The following PRMT8 variants were observed in gnomAD, a reference collection of about 807,000 sequenced individuals.
PRMT8 encodes protein arginine N-methyltransferase 8.
Under a neutral mutation model 47.1 loss-of-function variants are expected in PRMT8, and 7 were observed. That is an observed-to-expected ratio of 0.15 (90% CI 0.08 to 0.28). The LOEUF (loss-of-function observed/expected upper bound fraction) is 0.28, where lower values mean the gene tolerates loss of function less well. Ranked by LOEUF, PRMT8 falls within the 10% of genes least tolerant of loss-of-function variation. The pLI, the probability that PRMT8 is intolerant of heterozygous loss-of-function variation, is 1.00. For synonymous variants in PRMT8, 188 were observed against 186.5 expected (o/e 1.01, Z -0.07); for missense variants, 237 against 505.4 (o/e 0.47, Z 5.09).
intron 1 of PRMT8, among the ~76,000 whole-genome samples, chr12:3,476,358 G>A (rs1029602797): frequency 2.0e-5 from 3 of 152,160 alleles, no homozygotes; most frequent in Non-Finnish European, 4.4e-5. Flanking sequence ...GGGAGCCTGC[G>A]TCTGCTGGTC....
chr12:3,532,890 A>G (rs1262806669), intron 1 of PRMT8, among the ~76,000 whole-genome samples: 2 of 152,092 alleles, frequency 1.3e-5, no homozygotes, highest in African/African-American at 4.8e-5. Context: ...TGGAGACCAC[A>G]CTTCAAGAAC....
chr12:3,397,227 C>T (rs1157917215), intron 1 of PRMT8, among the ~76,000 whole-genome samples: 3 of 152,084 alleles, frequency 2.0e-5, no homozygotes, highest in South Asian at 2.2e-4. Flanking sequence ...AGTCATTCTC[C>T]GTCCAGCTTT....
intron 1 of PRMT8, among the ~76,000 whole-genome samples, chr12:3,421,456 T>G (rs912768955): frequency 6.6e-6 from 1 of 152,168 alleles, no homozygotes; most frequent in Non-Finnish European, 1.5e-5. Flanking sequence ...TATATCTGTT[T>G]GCTTAGATCC....
At chr12:3,530,757 A>G (rs1866017604) in intron 1 of PRMT8, among the ~76,000 whole-genome samples, 1 of 152,210 alleles carries the variant, frequency 6.6e-6, no homozygotes, top group Non-Finnish European at 1.5e-5. Flanking sequence ...AGGCCCAGAG[A>G]GCATCTAAAG....
rs1034453721 is a variant in PRMT8 at position 3,436,685 on chromosome 12, G to C, written c.48+55243G>C. On this transcript the variant is annotated intron_variant, in intron 1 of 9. Coordinates refer to the PRMT8 transcript ENST00000452611. The surrounding 1 kb of genome is among the most constrained non-coding windows in gnomAD (Gnocchi z 4.2). ...ACGGGGCTGCTAATATGATTGTGCT[G>C]CCTGGAAATGCAAAAGCCATGAGTC... Among the ~76,000 whole-genome samples the C allele has an allele frequency of 1.3e-5, 2 of 152,166 alleles. No homozygotes were observed. Among genetic ancestry groups the C allele is most frequent in the Non-Finnish European group, 2.9e-5 (2 of 68,030 alleles).
chr12:3,584,589 G>T (rs1481695135), intron 8 of PRMT8, among the ~76,000 whole-genome samples: 1 of 152,114 alleles, frequency 6.6e-6, no homozygotes, highest in Non-Finnish European at 1.5e-5. Flanking sequence ...GGACAAAAGA[G>T]TATAAAAAGT....
At chr12:3,381,908 A>T (rs1385415029) in intron 1 of PRMT8, among the ~76,000 whole-genome samples, 1 of 152,166 alleles carries the variant, frequency 6.6e-6, no homozygotes, top group Non-Finnish European at 1.5e-5. Context: ...ATCTTTGGCA[A>T]CCACTAATTC....
intron 1 of PRMT8, among the ~76,000 whole-genome samples, chr12:3,472,235 G>T (rs1178192409): frequency 6.6e-6 from 1 of 152,222 alleles, no homozygotes; most frequent in Admixed American, 6.5e-5. Flanking sequence ...CTGTGAAATG[G>T]CTTCCCCAGG....
intron 2 of PRMT8, among the ~76,000 whole-genome samples, chr12:3,548,171 A>G (rs971254170): frequency 1.3e-5 from 2 of 152,164 alleles, no homozygotes; most frequent in Admixed American, 1.3e-4. Context: ...ATGAGCTCAC[A>G]CCCCTAACTT....
chr12:3,575,887 C>T (rs970154033), intron 6 of PRMT8, among the ~76,000 whole-genome samples: 3 of 152,104 alleles, frequency 2.0e-5, no homozygotes, highest in African/African-American at 4.8e-5. Context: ...GGCATGGTGG[C>T]GGGTGCCTGT....
chr12:3,402,757 A>G (rs1156250497), intron 1 of PRMT8, among the ~76,000 whole-genome samples: 1 of 152,202 alleles, frequency 6.6e-6, no homozygotes, highest in Non-Finnish European at 1.5e-5. Flanking sequence ...GCAAATCAAA[A>G]CCACAATGAG....
chr12:3,400,738 A>T (rs1864306775), intron 1 of PRMT8, among the ~76,000 whole-genome samples: 1 of 152,230 alleles, frequency 6.6e-6, no homozygotes, highest in African/African-American at 2.4e-5. Flanking sequence ...TCCTTGATGA[A>T]CATCAGTGCA....
At chr12:3,515,006 C>T (rs4766134) in intron 1 of PRMT8, among the ~76,000 whole-genome samples, 5,304 of 152,198 alleles carry the variant, frequency 0.035, 263 homozygotes, top group African/African-American at 0.11. Flanking sequence ...AGGCACTTTT[C>T]GAAGCTTTCT....
At chr12:3,567,570 T>C (rs1234685441) in intron 4 of PRMT8, among the ~76,000 whole-genome samples, 1 of 152,192 alleles carries the variant, frequency 6.6e-6, no homozygotes, top group East Asian at 1.9e-4. Flanking sequence ...ATATCAGATC[T>C]GGGCTCTGTT....
At position 3,570,861 on chromosome 12, in the gene PRMT8, A is replaced by T. The variant is rs79349204; in HGVS notation, c.712+1297A>T. On this transcript the variant is annotated intron_variant, in intron 6 of 9. Transcript: ENST00000382622. The surrounding 1 kb of genome is among the most constrained non-coding windows in gnomAD (Gnocchi z 5.5). ...CAGCCAATCTGGTGTGATTTCCACT[A>T]TTTGACCTCCTGGGGGAAGGAGGCA... Among the ~76,000 whole-genome samples the T allele has an allele frequency of 0.01, 1,580 of 152,248 alleles. 60 individuals carry two copies. The East Asian group carries it at 0.13, about 12-fold the overall frequency.
intron 1 of PRMT8, among the ~76,000 whole-genome samples, chr12:3,396,705 C>T (rs1864252797): frequency 6.6e-6 from 1 of 151,560 alleles, no homozygotes. Flanking sequence ...AGTTGCTCTT[C>T]TCGAGGAGTA....
chr12:3,411,078 G>A (rs1271718022), intron 1 of PRMT8, among the ~76,000 whole-genome samples: 2 of 152,186 alleles, frequency 1.3e-5, no homozygotes, highest in African/African-American at 2.4e-5. Flanking sequence ...AGTCTTTGGA[G>A]GGCTGGTTTA....
intron 1 of PRMT8, among the ~76,000 whole-genome samples, chr12:3,509,897 C>T (rs535591899): frequency 2.0e-5 from 3 of 152,314 alleles, no homozygotes; most frequent in East Asian, 1.9e-4. Flanking sequence ...TTCGCATAGA[C>T]AAGTGTAACC....
At chr12:3,527,432 T>A (rs1317732714) in intron 1 of PRMT8, among the ~76,000 whole-genome samples, 1 of 152,176 alleles carries the variant, frequency 6.6e-6, no homozygotes, top group African/African-American at 2.4e-5. Context: ...ATCTTACTAC[T>A]CAGAATACTG....
Sources: gnomAD v4.1 joint callset for allele counts (sites outside exome capture counted in the v4.1 genomes callset) on GRCh38, gnomAD v4.1.1 for gene constraint, Gnocchi (gnomAD v3.1) non-coding constraint, MANE v1.5 for transcripts, NCBI Gene and HGNC (gene_info 2026-07-23, HGNC 2026-07-21) for gene names.